ABI3BP: variants seen among roughly 807,000 people sequenced by gnomAD.
The protein encoded by ABI3BP is target of Nesh-SH3.
In ABI3BP, 216 loss-of-function variants were observed where a neutral mutation model predicts 268.6. The ratio of observed to expected loss-of-function variants is 0.80; its 90% CI spans 0.72 to 0.90. The LOEUF is 0.90. ABI3BP is among the 40% of genes least tolerant of loss of function. The pLI is 0.00. For synonymous variants in ABI3BP, 730 were observed against 730.0 expected (o/e 1.00, Z 0.00); for missense variants, 2,090 against 2,182.4 (o/e 0.96, Z 0.84).
At chr3:100,776,949 T>C (rs952113707) in intron 59 of ABI3BP, among the ~76,000 whole-genome samples, 1 of 152,204 alleles carries the variant, frequency 6.6e-6, no homozygotes, top group Non-Finnish European at 1.5e-5. Flanking sequence ...CAGTCTGATC[T>C]GCAAGCTGCT....
In ABI3BP at chr3:100,823,514, A is replaced by T. The variant is rs2098286460; in HGVS notation, c.2747T>A (p.Val916Asp). 6.5e-7 allele frequency: 1 copy of T among 1,530,096 alleles called. No homozygotes were observed. The highest frequency in any genetic ancestry group is 8.7e-7 in the Non-Finnish European group (1 of 1,144,040). 94.8% of individuals were successfully genotyped at this position (1,530,096 alleles called of 1,614,324 possible). Residue 916 changes from valine to aspartate, a missense_variant and splice_region_variant, in exon 37 of 68, where the codon GTT becomes GAT. By Grantham distance (152) the Val-to-Asp change is radical (BLOSUM62 -3). Transcript: ENST00000471714. ...GACAGGTTCTAGGACTGTAGCAGGA[A>T]CTGACCAAAACAACATGTAAATCAA... The part of the protein sequence containing the change: ...PSPQAPETKP[V>D]PATVLEPVTL...
At chr3:100,840,009 A>C (rs1346058853) in intron 23 of ABI3BP, 63 bp downstream of exon 23, 2 of 1,405,410 alleles carry the variant, frequency 1.4e-6, no homozygotes, top group Non-Finnish European at 1.9e-6. Flanking sequence ...AGTAGCTGAT[A>C]TCAAACCAGA....
intron 34 of ABI3BP, 36 bp from the exon 35 acceptor site, chr3:100,825,880 A>G: frequency 7.0e-7 from 1 of 1,425,072 alleles, no homozygotes; most frequent in Non-Finnish European, 9.6e-7. Context: ...GATGGTAAAA[A>G]ATGTGTGGGA....
Position 100,886,235 on chromosome 3 carries a change from G to T in ABI3BP, c.550C>A (p.Leu184Ile). The T allele has an allele frequency of 6.2e-7, 1 of 1,610,708 alleles. No homozygotes were observed. The highest frequency in any genetic ancestry group is 8.5e-7 in the Non-Finnish European group (1 of 1,178,068). Residue 184 changes from leucine (L) to isoleucine (I), a missense_variant, in exon 5 of 68, where the codon CTA becomes ATA. By Grantham distance (5) the Leu-to-Ile change is conservative. Coordinates refer to ENST00000471714, the MANE Select transcript of ABI3BP (RefSeq NM_001375547.2). ...AATTCATAAACTGTGTTGGGCTTTAGGTTTTCCACAATTGTTTCAGTGGCT... is the reference window on the plus strand; with the variant it reads ...AATTCATAAACTGTGTTGGGCTTTATGTTTTCCACAATTGTTTCAGTGGCT... The part of the protein sequence containing the change: ...CPATETIVEN[L>I]KPNTVYEFGV...
rs116023913 is a variant in ABI3BP at position 100,763,051 on chromosome 3, C to G, written c.4850+2790G>C. Among the ~76,000 whole-genome samples, 892 of 152,174 alleles carry G rather than the reference C, an allele frequency of 5.9e-3. 8 individuals carry two copies. Among genetic ancestry groups the G allele is most frequent in the African/African-American group, 0.02 (835 of 41,524 alleles). On this transcript the variant is annotated intron_variant, in intron 63 of 67. Coordinates refer to ENST00000471714, the MANE Select transcript of ABI3BP (RefSeq NM_001375547.2). ...AATTCTTAAAATAATGTTAAGTAAG[C>G]CACATATAATAGACACACTGAATGA...
chr3:100,844,663 G>A (rs993040842), intron 20 of ABI3BP, among the ~76,000 whole-genome samples: 1 of 152,182 alleles, frequency 6.6e-6, no homozygotes, highest in Non-Finnish European at 1.5e-5. Flanking sequence ...TAAAATCAAA[G>A]CAATGGTTTG....
At position 100,942,070 on chromosome 3, in the gene ABI3BP, G is replaced by A. The variant is rs73143068; in HGVS notation, c.80-15589C>T. 6.2e-3 allele frequency among the ~76,000 whole-genome samples: 942 copies of A among 152,102 alleles called. 3 individuals are homozygous for A. The highest frequency in any genetic ancestry group is 9.5e-3 in the Non-Finnish European group (648 of 67,976). On this transcript the variant is annotated intron_variant, in intron 1 of 67. Coordinates refer to ENST00000471714, the MANE Select transcript of ABI3BP (RefSeq NM_001375547.2). ...TAAATAAAATTTATATTTACCTTGG[G>A]ACAAATATATTTTTACTTATCTGCT...
intron 1 of ABI3BP, among the ~76,000 whole-genome samples, chr3:100,979,300 A>G (rs2087958727): frequency 1.3e-5 from 2 of 152,196 alleles, no homozygotes; most frequent in Non-Finnish European, 2.9e-5. Context: ...TATCCATCTA[A>G]TTATCTTCCA....
intron 1 of ABI3BP, among the ~76,000 whole-genome samples, chr3:100,941,547 AC>A (rs1487878123): frequency 6.6e-6 from 1 of 152,164 alleles, no homozygotes; most frequent in Non-Finnish European, 1.5e-5. Flanking sequence ...AGCTGTTTGC[AC>A]AAATGAGTTC....
intron 1 of ABI3BP, among the ~76,000 whole-genome samples, chr3:100,972,727 C>A (rs1021090904): frequency 2.0e-5 from 3 of 152,190 alleles, no homozygotes; most frequent in African/African-American, 7.2e-5. Flanking sequence ...AGCATCACCA[C>A]ATCCTTTCAC....
chr3:100,791,721 T>G (rs2097202564), intron 55 of ABI3BP, among the ~76,000 whole-genome samples: 1 of 151,790 alleles, frequency 6.6e-6, no homozygotes. Flanking sequence ...AACAAAAAGT[T>G]AAACCAAACA....
In ABI3BP at chr3:100,868,944, T is replaced by C. The variant is rs566188892; in HGVS notation, c.911-1988A>G. ...ATCATGAATTTTTCAAGCACTCTGT[T>C]CCTATTATTTTCAACATGCCCCACA... is the stretch of plus-strand genomic sequence containing the variant. On this transcript the variant is annotated intron_variant, in intron 9 of 67. Coordinates refer to ENST00000471714, the MANE Select transcript of ABI3BP (RefSeq NM_001375547.2). 1.6e-4 allele frequency among the ~76,000 whole-genome samples: 25 copies of C among 152,332 alleles called. No homozygotes were observed. The South Asian group carries it at 4.8e-3, about 29-fold the overall frequency.
intron 2 of ABI3BP, among the ~76,000 whole-genome samples, chr3:100,917,611 G>A (rs150354411): frequency 4.2e-4 from 64 of 152,160 alleles, no homozygotes; most frequent in African/African-American, 1.3e-3. Flanking sequence ...TGACAAAAAG[G>A]GCCATTAGCC....
At chr3:100,936,868 T>C (rs970073504) in intron 1 of ABI3BP, among the ~76,000 whole-genome samples, 1 of 152,086 alleles carries the variant, frequency 6.6e-6, no homozygotes, top group Non-Finnish European at 1.5e-5. Context: ...TCTTCTCTCT[T>C]TTCATCTTTA....
intron 9 of ABI3BP, among the ~76,000 whole-genome samples, chr3:100,872,864 A>G (rs1003658926): frequency 6.6e-6 from 1 of 152,192 alleles, no homozygotes; most frequent in African/African-American, 2.4e-5. Context: ...TCTGGGAAGT[A>G]ACTAACTCTA....
At chr3:100,871,031 AG>A (rs1323164416) in intron 9 of ABI3BP, among the ~76,000 whole-genome samples, 1 of 152,198 alleles carries the variant, frequency 6.6e-6, no homozygotes, top group Non-Finnish European at 1.5e-5. Context: ...TGGGATGGAG[AG>A]GGGGAAACAG....
At chr3:100,957,767 C>G (rs1157608732) in intron 1 of ABI3BP, among the ~76,000 whole-genome samples, 1 of 152,164 alleles carries the variant, frequency 6.6e-6, no homozygotes, top group African/African-American at 2.4e-5. Flanking sequence ...AAATTTGACC[C>G]TGGTTCCGCC....
At position 100,867,640 on chromosome 3, in the gene ABI3BP, C is replaced by CAAAAA. The variant is rs5851230; in HGVS notation, c.911-689_911-685dup. Among the ~76,000 whole-genome samples, 289 of 64,190 alleles carry CAAAAA rather than the reference C, an allele frequency of 4.5e-3. 11 individuals carry two copies. The highest frequency in any genetic ancestry group is 0.013 in the African/African-American group (193 of 15,438). 42.1% of individuals were successfully genotyped at this position (64,190 alleles called of 152,430 possible). A position where few individuals can be genotyped will look rare whatever the true frequency, so the allele number is the denominator to read the frequency against. The stretch of plus-strand genomic sequence containing the variant: ...TGGGTGACAGAGCGAGACCCCGTCT[C>CAAAAA]AAAAAAAAAAAAAAAAAAAAAGAAA... On this transcript the variant is annotated intron_variant, in intron 9 of 67. Transcript: ENST00000471714.
At chr3:100,765,183 A>C (rs1333324524) in intron 63 of ABI3BP, among the ~76,000 whole-genome samples, 1 of 152,164 alleles carries the variant, frequency 6.6e-6, no homozygotes, top group Non-Finnish European at 1.5e-5. Flanking sequence ...TTCAGTAATA[A>C]AATGAACTAA....
Sources: allele counts gnomAD v4.1 joint callset (sites outside exome capture counted in the v4.1 genomes callset), GRCh38; gene constraint gnomAD v4.1.1; transcripts MANE v1.5; gene names NCBI Gene and HGNC (gene_info 2026-07-23, HGNC 2026-07-21).